Variants in PGM3 observed in about 807,000 individuals in gnomAD.
The protein encoded by PGM3 is phosphoglucomutase 3, also known as phosphoacetylglucosamine mutase.
In PGM3, 40 loss-of-function variants were observed where a neutral mutation model predicts 66.2. The observed-to-expected ratio is 0.60, with a 90% CI of 0.47 to 0.79. The LOEUF is 0.79. PGM3 is among the 30% of genes least tolerant of loss of function. The probability of loss-of-function intolerance (pLI) is 0.00; values close to 1 mark genes in which losing one functional copy is unlikely to be tolerated. For missense variants in PGM3, 537 were observed against 643.4 expected (o/e 0.83, Z 1.79); for synonymous variants, 191 against 224.2 (o/e 0.85, Z 1.32).
At chr6:83,151,775 TCAAC>T in the PGM3 span, 4 of 1,429,922 alleles carry the variant, frequency 2.8e-6, no homozygotes, top group Non-Finnish European at 3.8e-6. Context: ...TCTATGGGAA[TCAAC>T]AAGTCTATTG....
chr6:83,157,431 A>C, downstream of PGM3: 3 of 1,106,110 alleles, frequency 2.7e-6, no homozygotes, highest in Non-Finnish European at 4.0e-6. Context: ...GCTGTAGTTA[A>C]ACCAGTTACT....
intron 12 of PGM3, chr6:83,169,606 A>G (rs528623606): frequency 2.2e-6 from 1 of 458,060 alleles, no homozygotes; most frequent in East Asian, 5.1e-5. Flanking sequence ...ATAAAACTTT[A>G]ATCCACAATT....
intron 7 of PGM3, among the ~76,000 whole-genome samples, chr6:83,179,565 A>G (rs1788025279): frequency 6.6e-6 from 1 of 152,140 alleles, no homozygotes; most frequent in African/African-American, 2.4e-5. Flanking sequence ...TGGAAGCAAA[A>G]CTTCCTAAAG....
At position 83,169,026 on chromosome 6, in the gene PGM3, A is replaced by G; in HGVS notation, c.*208T>C. On this transcript the variant is annotated 3_prime_UTR_variant, in exon 13 of 13. Transcript: ENST00000513973. ...AGTATTTTACATTAGTGAGACTGAA[A>G]TTAGAGGTAAATTTCTTTAACAAGT... is the stretch of plus-strand genomic sequence containing the variant. The G allele has an allele frequency of 7.4e-7, 1 of 1,360,414 alleles. No individual in the cohort carries two copies. Among genetic ancestry groups the G allele is most frequent in the Non-Finnish European group, 9.5e-7 (1 of 1,056,498 alleles). 84.3% of individuals were successfully genotyped at this position (1,360,414 alleles called of 1,614,324 possible).
intron 10 of PGM3, among the ~76,000 whole-genome samples, 188 bp from the exon 11 acceptor site, chr6:83,172,247 T>C (rs181313991): frequency 2.5e-4 from 38 of 152,234 alleles, no homozygotes; most frequent in Non-Finnish European, 2.6e-4. Flanking sequence ...AATGTGGGTA[T>C]ACAACTGCCA....
At chr6:83,162,751 T>C, downstream of PGM3, 1 of 1,567,162 alleles carries the variant, frequency 6.4e-7, no homozygotes, top group Non-Finnish European at 8.7e-7. Context: ...TGGCACAAAG[T>C]CTGTCTTACT....
chr6:83,153,679 C>A, the PGM3 span: 1 of 1,367,346 alleles, frequency 7.3e-7, no homozygotes. Context: ...GAAACAAGTT[C>A]TGTTCCCTTA....
downstream of PGM3, among the ~76,000 whole-genome samples, chr6:83,158,068 A>G (rs1030808605): frequency 2.6e-5 from 4 of 151,654 alleles, no homozygotes; most frequent in Non-Finnish European, 4.4e-5. Flanking sequence ...GCGAGATCTC[A>G]GCTCACTGCA....
Position 83,179,972 on chromosome 6 carries a change from C to T in PGM3, c.788-5G>A. ...CATTGGACTTAATTTCCATTCCTAGCACACAGGATAATTTAACATGCATTT... is the reference window on the plus strand; with the variant it reads ...CATTGGACTTAATTTCCATTCCTAGTACACAGGATAATTTAACATGCATTT... On this transcript the variant is annotated splice_region_variant and splice_polypyrimidine_tract_variant and intron_variant, in intron 6 of 12. Transcript: ENST00000513973. The T allele has an allele frequency of 6.3e-7, 1 of 1,599,904 alleles. No homozygotes were observed. The highest frequency in any genetic ancestry group is 8.5e-7 in the Non-Finnish European group (1 of 1,171,370).
intron 6 of PGM3, among the ~76,000 whole-genome samples, chr6:83,180,591 G>A (rs904565849): frequency 6.6e-6 from 1 of 152,174 alleles, no homozygotes; most frequent in Non-Finnish European, 1.5e-5. Context: ...CTTTTGTCAG[G>A]AATGGGATCA....
At chr6:83,151,911 T>C in the PGM3 span, 4 of 1,613,914 alleles carry the variant, frequency 2.5e-6, no homozygotes, top group African/African-American at 1.3e-5. Context: ...GTGGATGCAA[T>C]TGGTGCAATT....
intron 4 of PGM3, among the ~76,000 whole-genome samples, chr6:83,184,883 T>C (rs1035235949): frequency 6.6e-6 from 1 of 152,224 alleles, no homozygotes; most frequent in Non-Finnish European, 1.5e-5. Context: ...CTCCAAGATT[T>C]GTATGAATTA....
rs150285738 is a variant in PGM3, at chr6:83,185,621, T to C, written c.457+1387A>G. 5.1e-4 allele frequency among the ~76,000 whole-genome samples: 77 copies of C among 152,088 alleles called. No homozygotes were observed. In the East Asian group the frequency reaches 0.014, roughly 27 times the overall value. Reference sequence around the variant, plus strand: ...TACTAATACAAAAATTATCCAGGTGTGGTGGCATGTGCCTGTAATCCCAGC... The same window carrying C: ...TACTAATACAAAAATTATCCAGGTGCGGTGGCATGTGCCTGTAATCCCAGC... On this transcript the variant is annotated intron_variant, in intron 4 of 12. Transcript: ENST00000513973.
At position 83,172,864 on chromosome 6, in the gene PGM3, A is replaced by G. The variant is rs370205144; in HGVS notation, c.1243-805T>C. Among the ~76,000 whole-genome samples the G allele has an allele frequency of 3.3e-5, 5 of 152,288 alleles. No individual in the cohort carries two copies. In the East Asian group the frequency reaches 9.6e-4, roughly 29 times the overall value. ...AAAATGATTGATTGCTTATTGATTG[A>G]TAGCATATAAATTCAGAGTTTTAGG... On this transcript the variant is annotated intron_variant, in intron 10 of 12. Coordinates refer to ENST00000513973, the MANE Select transcript of PGM3 (RefSeq NM_015599.3).
chr6:83,163,618 C>T (rs112280495), downstream of PGM3, among the ~76,000 whole-genome samples: 1,347 of 152,200 alleles, frequency 8.9e-3, 18 homozygotes, highest in African/African-American at 0.031. Flanking sequence ...GTTCCTTATC[C>T]TGATCCAGTA....
chr6:83,157,908 G>A (rs956406161), downstream of PGM3, among the ~76,000 whole-genome samples: 1 of 152,146 alleles, frequency 6.6e-6, no homozygotes, highest in Non-Finnish European at 1.5e-5. Flanking sequence ...AAAGAGGAAT[G>A]AGTAAACAAT....
chr6:83,149,073 T>C, the PGM3 span, among the ~76,000 whole-genome samples: 3 of 151,766 alleles, frequency 2.0e-5, no homozygotes, highest in African/African-American at 7.3e-5. Context: ...TGTTTATACA[T>C]ATACAAAATG....
Position 83,168,913 on chromosome 6 carries a change from T to C in PGM3, c.*321A>G, listed in dbSNP as rs995679992. 8 of 1,082,472 alleles carry C rather than the reference T, an allele frequency of 7.4e-6. No homozygotes were observed. In the African/African-American group the frequency reaches 1.1e-4, roughly 15 times the overall value. The allele number at this position is 1,082,472 out of a possible 1,614,324, so 67.1% of individuals were successfully genotyped here. On this transcript the variant is annotated 3_prime_UTR_variant, in exon 13 of 13. Transcript: ENST00000513973. Reference sequence around the variant, plus strand: ...TGGCAAAGATATCACAAGGAGTTGGTAATAAGATTTAATTTTCCAGTAGCC... The same window carrying C: ...TGGCAAAGATATCACAAGGAGTTGGCAATAAGATTTAATTTTCCAGTAGCC...
intron 1 of PGM3, among the ~76,000 whole-genome samples, chr6:83,192,017 G>A (rs1035135577): frequency 2.8e-5 from 4 of 143,340 alleles, no homozygotes; most frequent in African/African-American, 1.0e-4. Flanking sequence ...CTGTAATCCC[G>A]GCATTTTGGG....
Sources: gnomAD v4.1 joint callset for allele counts (sites outside exome capture counted in the v4.1 genomes callset) on GRCh38, gnomAD v4.1.1 for gene constraint, MANE v1.5 for transcripts, NCBI Gene and HGNC (gene_info 2026-07-23, HGNC 2026-07-21) for gene names.